The following TBCD variants were observed in gnomAD, a reference collection of about 807,000 sequenced individuals.
TBCD encodes the protein tubulin folding cofactor D, also known as tubulin-specific chaperone D.
TBCD carries 105 observed loss-of-function variants against 169.3 expected under a neutral mutation model. That is an observed-to-expected ratio of 0.62 (90% CI 0.53 to 0.73). The LOEUF is 0.73. Among genes scored for constraint, TBCD ranks in the 30% least tolerant of loss-of-function variants. The probability of loss-of-function intolerance (pLI) is 0.00; values close to 1 mark genes in which losing one functional copy is unlikely to be tolerated. For synonymous variants in TBCD, 700 were observed against 643.9 expected, an observed-to-expected ratio of 1.09 and a Z score of -1.32; for missense variants, 1,444 against 1,600.1, an observed-to-expected ratio of 0.90 and a Z score of 1.66.
At chr17:82,881,865 G>A (rs1190397492) in intron 14 of TBCD, among the ~76,000 whole-genome samples, 1 of 151,932 alleles carries the variant, frequency 6.6e-6, no homozygotes, top group Non-Finnish European at 1.5e-5. Context: ...GTGGTTCTCA[G>A]TGACCACACT....
chr17:82,908,462 G>A (rs2060398454), intron 21 of TBCD: 2 of 440,656 alleles, frequency 4.5e-6, no homozygotes, highest in East Asian at 7.1e-5. Flanking sequence ...ATGGATCTTG[G>A]TGTTACAGGA....
intron 28 of TBCD, chr17:82,926,905 C>T (rs1022185135): frequency 5.7e-6 from 3 of 530,510 alleles, no homozygotes; most frequent in African/African-American, 3.8e-5. Flanking sequence ...TCTCCTATGC[C>T]AGCATCCGTT....
At chr17:82,792,916 C>A (rs1478263172) in intron 7 of TBCD, among the ~76,000 whole-genome samples, 1 of 152,090 alleles carries the variant, frequency 6.6e-6, no homozygotes, top group African/African-American at 2.4e-5. Flanking sequence ...GTGGACGCCA[C>A]CACACCTGGC....
intron 13 of TBCD, among the ~76,000 whole-genome samples, chr17:82,822,081 T>G (rs2052461414): frequency 1.3e-5 from 2 of 152,222 alleles, no homozygotes; most frequent in African/African-American, 4.8e-5. Context: ...TTCAGTAGAT[T>G]AATTCCCACC....
chr17:82,772,601 G>C (rs894214890), intron 6 of TBCD, 94 bp downstream of exon 6: 22 of 1,328,840 alleles, frequency 1.7e-5, no homozygotes, highest in Non-Finnish European at 2.1e-5. Flanking sequence ...TCAGTCCTCA[G>C]ACGAAGGACC....
In TBCD at chr17:82,898,507, T is replaced by C. The variant is rs181609006; in HGVS notation, c.1650-2144T>C. Among the ~76,000 whole-genome samples, 284 of 152,346 alleles carry C rather than the reference T, an allele frequency of 1.9e-3. 1 individual carries two copies. The highest frequency in any genetic ancestry group is 2.8e-3 in the Non-Finnish European group (188 of 68,022). ...GAGGCTGAACACCGCTTCAAGTGGT[T>C]GAAGTGTGTGTGTATTTTCTGTAAA... On this transcript the variant is annotated intron_variant, in intron 17 of 38. Transcript: ENST00000355528.
At chr17:82,855,082 GC>G (rs1251399579) in intron 13 of TBCD, among the ~76,000 whole-genome samples, 1 of 151,980 alleles carries the variant, frequency 6.6e-6, no homozygotes, top group Non-Finnish European at 1.5e-5. Flanking sequence ...CCTGCCAGCT[GC>G]CCCCTCACCC....
chr17:82,811,428 CT>C (rs1453609802), intron 12 of TBCD, among the ~76,000 whole-genome samples: 1 of 152,230 alleles, frequency 6.6e-6, no homozygotes, highest in Admixed American at 6.5e-5. Flanking sequence ...TCTTCAGGTG[CT>C]TTTTAACCTT....
chr17:82,916,512 C>T (rs1310283403), intron 23 of TBCD, among the ~76,000 whole-genome samples: 1 of 146,300 alleles, frequency 6.8e-6, no homozygotes, highest in Non-Finnish European at 1.5e-5. Flanking sequence ...CCCAAAGGTG[C>T]TGTTTTTTTT....
rs550172307 is a variant in TBCD at position 82,893,598 on chromosome 17, G to A, written c.1615G>A (p.Val539Ile). Residue 539 changes from valine (V) to isoleucine (I), a missense_variant, in exon 17 of 39, where the codon GTC becomes ATC. Transcript: ENST00000355528. The part of the protein sequence containing the change: ...DILTTADYFA[V>I]GNRSNCFLVI... Reference sequence around the variant, plus strand: ...TTTGACCACAGCTGACTATTTTGCCGTCGGTAACAGATCCAACTGTTTCCT... The same window carrying A: ...TTTGACCACAGCTGACTATTTTGCCATCGGTAACAGATCCAACTGTTTCCT... 2.6e-5 allele frequency: 42 copies of A among 1,611,254 alleles called. No homozygotes were observed. The highest frequency in any genetic ancestry group is 1.7e-4 in the Middle Eastern group (1 of 6,054).
chr17:82,893,762 A>C, intron 17 of TBCD, 130 bp downstream of exon 17: 1 of 709,620 alleles, frequency 1.4e-6, no homozygotes, highest in East Asian at 2.8e-5. Context: ...TTGTGTGAAA[A>C]ATTAAAAATG....
chr17:82,789,939 C>T lies in TBCD; in HGVS notation c.772-7818C>T, dbSNP rs1275561135. ...CTGTCCGTGCATACGGCCCAGGAGCCGGGCTCATCCCCGAGACGCCGTGTT... is the reference window on the plus strand; with the variant it reads ...CTGTCCGTGCATACGGCCCAGGAGCTGGGCTCATCCCCGAGACGCCGTGTT... On this transcript the variant is annotated intron_variant, in intron 7 of 38. Coordinates refer to ENST00000355528, the MANE Select transcript of TBCD (RefSeq NM_005993.5). This position sits in a 1 kb window ranked among gnomAD's most constrained non-coding sequence, Gnocchi z 4.8. Among the ~76,000 whole-genome samples the T allele has an allele frequency of 2.0e-5, 3 of 152,198 alleles. No individual in the cohort carries two copies. In the South Asian group the frequency reaches 6.2e-4, roughly 32 times the overall value.
rs1032295108 is a variant in TBCD, at chr17:82,870,774, G to A, written c.1475+394G>A. 3.3e-5 allele frequency among the ~76,000 whole-genome samples: 5 copies of A among 152,378 alleles called. No individual in the cohort carries two copies. The South Asian group carries it at 6.2e-4, about 19-fold the overall frequency. On this transcript the variant is annotated intron_variant, in intron 14 of 38. Coordinates refer to ENST00000355528, the MANE Select transcript of TBCD (RefSeq NM_005993.5). ...AGTGGGGCACGGGAATCGCCTGTGC[G>A]TGCTCCCTGCGGTCGTGGGTCTTGG...
intron 13 of TBCD, among the ~76,000 whole-genome samples, chr17:82,836,469 A>G (rs2053986045): frequency 6.6e-6 from 1 of 152,262 alleles, no homozygotes; most frequent in Non-Finnish European, 1.5e-5. Context: ...CGCCGCCTCT[A>G]GCACCTGAAA....
At chr17:82,800,840 G>A (rs367944588) in intron 8 of TBCD, 24 bp from the exon 9 acceptor site, 77 of 1,606,614 alleles carry the variant, frequency 4.8e-5, no homozygotes, top group Non-Finnish European at 5.9e-5. Flanking sequence ...CCCTTCCTGC[G>A]CTGAGTCCAG....
At chr17:82,887,531 T>G (rs575115165) in intron 15 of TBCD, among the ~76,000 whole-genome samples, 2 of 152,312 alleles carry the variant, frequency 1.3e-5, no homozygotes, top group South Asian at 2.1e-4. Context: ...TGACCATTCA[T>G]GTATTACGAC....
chr17:82,900,774 C>G (rs766454687), intron 18 of TBCD, 43 bp downstream of exon 18: 2 of 1,454,684 alleles, frequency 1.4e-6, no homozygotes, highest in Non-Finnish European at 1.9e-6. Flanking sequence ...TTTTTTCCCC[C>G]CAAAGGAGAG....
At chr17:82,829,994 TTTTTGTTTG>T in intron 13 of TBCD, 1 of 1,069,804 alleles carries the variant, frequency 9.3e-7, no homozygotes, top group African/African-American at 1.6e-5. Context: ...ATTGGAGGGT[TTTTTGTTTG>T]TTTGTTTGTT....
Position 82,806,481 on chromosome 17 carries a change from G to C in TBCD, c.1087+470G>C, listed in dbSNP as rs958176862. Among the ~76,000 whole-genome samples, 5 of 152,056 alleles carry C rather than the reference G, an allele frequency of 3.3e-5. No individual in the cohort carries two copies. Among genetic ancestry groups the C allele is most frequent in the African/African-American group, 1.2e-4 (5 of 41,364 alleles). Reference sequence around the variant, plus strand: ...CCTGTGGGGTCTCCTGCTGCACAGAGACAGAGCCATCAGCGGAGCCCCTCA... The same window carrying C: ...CCTGTGGGGTCTCCTGCTGCACAGACACAGAGCCATCAGCGGAGCCCCTCA... On this transcript the variant is annotated intron_variant, in intron 10 of 38. Transcript: ENST00000355528. The surrounding 1 kb of genome is among the most constrained non-coding windows in gnomAD (Gnocchi z 5.1).
Sources: gnomAD v4.1 joint callset for allele counts (sites outside exome capture counted in the v4.1 genomes callset) on GRCh38, gnomAD v4.1.1 for gene constraint, Gnocchi (gnomAD v3.1) non-coding constraint, MANE v1.5 for transcripts, NCBI Gene and HGNC (gene_info 2026-07-23, HGNC 2026-07-21) for gene names.